Variants in ZNF514 observed in about 807,000 individuals in gnomAD.
ZNF514 encodes zinc finger protein 514.
In ZNF514, 12 loss-of-function variants were observed where a neutral mutation model predicts 9.7. The observed-to-expected ratio is 1.24, with a 90% CI of 0.79 to 2.01. The LOEUF (loss-of-function observed/expected upper bound fraction) is 2.01. Among genes scored for constraint, ZNF514 ranks in the 30% most tolerant of loss-of-function variants. The pLI is 0.00. For missense variants in ZNF514, 467 were observed against 465.5 expected, an observed-to-expected ratio of 1.00 and a Z score of -0.03; for synonymous variants, 158 against 163.7, an observed-to-expected ratio of 0.97 and a Z score of 0.27.
At chr2:95,136,721 A>G in the ZNF514 span, among the ~76,000 whole-genome samples, 16 of 152,120 alleles carry the variant, frequency 1.1e-4, no homozygotes, top group African/African-American at 3.6e-4. Context: ...TGTGACAACC[A>G]TGGCCTAATA....
At chr2:95,144,822 C>T (rs574684542), downstream of ZNF514, among the ~76,000 whole-genome samples, 1 of 152,152 alleles carries the variant, frequency 6.6e-6, no homozygotes, top group South Asian at 2.1e-4. Context: ...GCTACTGTAT[C>T]CTTAACACAT....
At chr2:95,131,010 T>C in the ZNF514 span, among the ~76,000 whole-genome samples, 5 of 152,224 alleles carry the variant, frequency 3.3e-5, no homozygotes, top group Admixed American at 2.0e-4. Flanking sequence ...AACTAATAAA[T>C]GTCCATAAAA....
rs922652717 is a variant in ZNF514 at position 95,145,019 on chromosome 2, T to C, written c.*4263A>G. Among the ~76,000 whole-genome samples the C allele has an allele frequency of 6.6e-6, 1 of 152,194 alleles. No homozygotes were observed. Among genetic ancestry groups the C allele is most frequent in the African/African-American group, 2.4e-5 (1 of 41,454 alleles). Reference sequence around the variant, plus strand: ...GCAATATTACATTTTTCTAAAGAAATATTTAATTGGTAGTCTTCTAGAAAG... The same window carrying C: ...GCAATATTACATTTTTCTAAAGAAACATTTAATTGGTAGTCTTCTAGAAAG... On this transcript the variant is annotated 3_prime_UTR_variant, in exon 5 of 5. Coordinates refer to ENST00000295208, the MANE Select transcript of ZNF514 (RefSeq NM_032788.3).
chr2:95,150,153 G>A lies in ZNF514; in HGVS notation c.332C>T (p.Ser111Leu), dbSNP rs371977590. The change falls in exon 5 of 5, where the codon TCG becomes TTG. Residue 111 changes from serine (S) to leucine (L), a missense_variant. Physicochemically the swap from Ser to Leu is moderately radical, Grantham distance 145 (BLOSUM62 -2). Transcript: ENST00000295208. ...ACAACCGCAGGCTGCTTTCAACTTC[G>A]AGAACTGCAGCACATCTTGAATGTG... Reference protein sequence around the residue: ...EKHIQDVLQFSKLKAACGCDG... With the variant: ...EKHIQDVLQFLKLKAACGCDG... 123 of 1,610,300 alleles carry A rather than the reference G, an allele frequency of 7.6e-5. No individual in the cohort carries two copies. The highest frequency in any genetic ancestry group is 9.6e-5 in the Non-Finnish European group (113 of 1,179,974).
rs1159680614 is a variant in ZNF514, at chr2:95,159,422, C to G, written c.-278G>C. 6.2e-6 allele frequency: 1 copy of G among 161,348 alleles called. No individual in the cohort carries two copies. Among genetic ancestry groups the G allele is most frequent in the Non-Finnish European group, 1.4e-5 (1 of 73,926 alleles). The allele number at this position is 161,348 out of a possible 1,614,324, so 10.0% of individuals were successfully genotyped here. On this transcript the variant is annotated 5_prime_UTR_variant, in exon 1 of 5. Coordinates refer to ENST00000295208, the MANE Select transcript of ZNF514 (RefSeq NM_032788.3). ...GGTGAGAGCCTCACAGGAGCAGGGA[C>G]CGACTCTATCAGCCCGGTTCGCCCC... is the stretch of plus-strand genomic sequence containing the variant.
At chr2:95,129,959 CT>C in the ZNF514 span, among the ~76,000 whole-genome samples, 1 of 152,164 alleles carries the variant, frequency 6.6e-6, no homozygotes. Flanking sequence ...CCTAAGAGGC[CT>C]CCAGGGGTCT....
In ZNF514 at chr2:95,146,462, C is replaced by G. The variant is rs951477568; in HGVS notation, c.*2820G>C. ...CTTTAGGTAAGTAGAGAAGGTGCCC[C>G]CGGCTGATAGAACAGCTAAGGTAAA... is the stretch of plus-strand genomic sequence containing the variant. On this transcript the variant is annotated 3_prime_UTR_variant, in exon 5 of 5. Transcript: ENST00000295208. Among the ~76,000 whole-genome samples, 23 of 152,026 alleles carry G rather than the reference C, an allele frequency of 1.5e-4. No individual in the cohort carries two copies. The highest frequency in any genetic ancestry group is 5.3e-4 in the African/African-American group (22 of 41,482).
chr2:95,134,979 T>C, the ZNF514 span, among the ~76,000 whole-genome samples: 5 of 152,252 alleles, frequency 3.3e-5, no homozygotes, highest in Non-Finnish European at 4.4e-5. Flanking sequence ...TTCCATACTA[T>C]CTTGACTACA....
the ZNF514 span, among the ~76,000 whole-genome samples, chr2:95,130,618 G>C: frequency 2.0e-5 from 3 of 152,218 alleles, no homozygotes; most frequent in Non-Finnish European, 4.4e-5. Context: ...AGAATTCAGT[G>C]ATATTTCTCC....
At chr2:95,128,090 G>GT in the ZNF514 span, among the ~76,000 whole-genome samples, 1 of 151,328 alleles carries the variant, frequency 6.6e-6, no homozygotes, top group Non-Finnish European at 1.5e-5. Flanking sequence ...TCTACAAAAA[G>GT]TTTTTAAAAT....
chr2:95,158,751 C>T, intron 1 of ZNF514: 1 of 1,147,944 alleles, frequency 8.7e-7, no homozygotes, highest in Non-Finnish European at 1.1e-6. Flanking sequence ...TCCACCTCCG[C>T]CACGGTCATC....
chr2:95,127,972 T>G, the ZNF514 span, among the ~76,000 whole-genome samples: 1 of 152,142 alleles, frequency 6.6e-6, no homozygotes, highest in Admixed American at 6.5e-5. Context: ...CATGGCCACA[T>G]GCAGTGGCTC....
rs1673492667 is a variant in ZNF514, at chr2:95,150,086, G to A, written c.399C>T (p.His133=). Residue 133 remains histidine (H), a synonymous_variant, in exon 5 of 5, where the codon CAC becomes CAT. Transcript: ENST00000295208. ...TGTGAATGGTTGACATTTGTTTCAG[G>A]TGTCTCTCCTGTTTTATCTGCTGCA... The part of the protein sequence containing the change: ...LEMQQIKQER[H]LKQMSTIHKS... The A allele has an allele frequency of 1.2e-6, 2 of 1,613,402 alleles. No homozygotes were observed. The highest frequency in any genetic ancestry group is 2.2e-5 in the East Asian group (1 of 44,886).
At position 95,150,153 on chromosome 2, in the gene ZNF514, G is replaced by C. The variant is rs371977590; in HGVS notation, c.332C>G (p.Ser111Trp). The C allele has an allele frequency of 2.5e-6, 4 of 1,610,410 alleles. No individual in the cohort carries two copies. Among genetic ancestry groups the C allele is most frequent in the South Asian group, 2.2e-5 (2 of 91,068 alleles). Residue 111 changes from serine to tryptophan, a missense_variant, in exon 5 of 5, where the codon TCG becomes TGG. Coordinates refer to ENST00000295208, the MANE Select transcript of ZNF514 (RefSeq NM_032788.3). Reference protein sequence around the residue: ...EKHIQDVLQFSKLKAACGCDG... With the variant: ...EKHIQDVLQFWKLKAACGCDG... ...ACAACCGCAGGCTGCTTTCAACTTC[G>C]AGAACTGCAGCACATCTTGAATGTG...
Position 95,149,126 on chromosome 2 carries a change from A to G in ZNF514, c.*156T>C. On this transcript the variant is annotated 3_prime_UTR_variant, in exon 5 of 5. Transcript: ENST00000295208. ...GAGGGGAAGCCCACCCCCTCTTGAC[A>G]TTGACAGGGATTCTCTTTAGTAATT... 2.1e-6 allele frequency: 2 copies of G among 947,536 alleles called. No individual in the cohort carries two copies. Among genetic ancestry groups the G allele is most frequent in the East Asian group, 2.6e-5 (1 of 39,012 alleles). 58.7% of individuals were successfully genotyped at this position (947,536 alleles called of 1,614,324 possible).
downstream of ZNF514, among the ~76,000 whole-genome samples, chr2:95,142,055 C>T (rs749584972): frequency 1.3e-5 from 2 of 152,280 alleles, no homozygotes; most frequent in East Asian, 3.9e-4. Context: ...CTGGTTGTCA[C>T]CCACCCACAG....
chr2:95,134,609 C>T, the ZNF514 span, among the ~76,000 whole-genome samples: 1 of 152,194 alleles, frequency 6.6e-6, no homozygotes, highest in African/African-American at 2.4e-5. Context: ...ACCCCATACC[C>T]TTTAGCTGTT....
chr2:95,141,873 A>G (rs966298894), downstream of ZNF514, among the ~76,000 whole-genome samples: 5 of 152,248 alleles, frequency 3.3e-5, no homozygotes, highest in African/African-American at 1.2e-4. Context: ...AGGGTATTCT[A>G]TACATAGCTG....
the ZNF514 span, among the ~76,000 whole-genome samples, chr2:95,128,385 C>T: frequency 7.3e-5 from 10 of 137,666 alleles, no homozygotes; most frequent in African/African-American, 2.7e-4. Flanking sequence ...AGCAAGGCTT[C>T]GTCTCAAAAA....
Sources: gnomAD v4.1 joint callset for allele counts (sites outside exome capture counted in the v4.1 genomes callset) on GRCh38, gnomAD v4.1.1 for gene constraint, MANE v1.5 for transcripts, NCBI Gene and HGNC (gene_info 2026-07-23, HGNC 2026-07-21) for gene names.